The following MSI2 variants were observed in gnomAD, a reference collection of about 807,000 sequenced individuals.
MSI2 encodes the protein RNA-binding protein Musashi homolog 2.
MSI2 carries 17 observed loss-of-function variants against 45.6 expected under a neutral mutation model. The observed-to-expected ratio is 0.37, with a 90% CI of 0.26 to 0.56. The LOEUF (loss-of-function observed/expected upper bound fraction) is 0.56. MSI2 is among the 20% of genes least tolerant of loss of function. The pLI, the probability that MSI2 is intolerant of heterozygous loss-of-function variation, is 0.77. For synonymous variants in MSI2, 156 were observed against 158.2 expected (o/e 0.99, Z 0.11); for missense variants, 293 against 444.2 (o/e 0.66, Z 3.06).
intron 7 of MSI2, among the ~76,000 whole-genome samples, chr17:57,569,801 T>C (rs1424449199): frequency 6.6e-6 from 1 of 152,220 alleles, no homozygotes; most frequent in Non-Finnish European, 1.5e-5. Context: ...GTCTTTGCTC[T>C]GGGTATGTGG....
intron 11 of MSI2, among the ~76,000 whole-genome samples, chr17:57,673,721 C>G (rs1302884992): frequency 6.7e-6 from 1 of 149,444 alleles, no homozygotes; most frequent in East Asian, 1.9e-4. Flanking sequence ...ATTGGGGGGG[C>G]CGAGGCAGTG....
chr17:57,543,385 C>T lies in MSI2; in HGVS notation c.454+13661C>T, dbSNP rs576216428. On this transcript the variant is annotated intron_variant, in intron 7 of 13. Coordinates refer to ENST00000284073, the MANE Select transcript of MSI2 (RefSeq NM_138962.4). ...AAAACATCAGTCCTGCCTGTAGTTC[C>T]GCCTTGGACCCATGCTGCCTGGTTG... Among the ~76,000 whole-genome samples, 294 of 152,288 alleles carry T rather than the reference C, an allele frequency of 1.9e-3. 1 individual carries two copies. Among genetic ancestry groups the T allele is most frequent in the African/African-American group, 6.8e-3 (283 of 41,554 alleles).
chr17:57,601,642 G>C (rs2144488312), intron 8 of MSI2: 1 of 152,372 alleles, frequency 6.6e-6, no homozygotes. Flanking sequence ...GTACAGCCTA[G>C]AGCTTGAAAT....
intron 5 of MSI2, among the ~76,000 whole-genome samples, chr17:57,370,236 T>G (rs1277397833): frequency 6.6e-6 from 1 of 152,240 alleles, no homozygotes; most frequent in Non-Finnish European, 1.5e-5. Flanking sequence ...GGTCTTGTGA[T>G]TGTTGCTGCT....
At chr17:57,604,440 C>A (rs558634400) in intron 8 of MSI2, among the ~76,000 whole-genome samples, 1 of 152,116 alleles carries the variant, frequency 6.6e-6, no homozygotes, top group African/African-American at 2.4e-5. Context: ...GGGTCCCGAG[C>A]CTGCGGGGCA....
At chr17:57,427,406 A>G (rs60861061) in intron 6 of MSI2, among the ~76,000 whole-genome samples, 1 of 102,228 alleles carries the variant, frequency 9.8e-6, no homozygotes, top group South Asian at 3.4e-4. Flanking sequence ...TCCAAAAAAA[A>G]AAAATAAATA....
intron 5 of MSI2, among the ~76,000 whole-genome samples, chr17:57,319,752 A>G (rs1367660181): frequency 3.3e-5 from 5 of 152,186 alleles, no homozygotes; most frequent in African/African-American, 1.2e-4. Flanking sequence ...AGCTGGGACC[A>G]TAGGCACATG....
At chr17:57,346,752 A>T (rs1217336314) in intron 5 of MSI2, among the ~76,000 whole-genome samples, 1 of 151,948 alleles carries the variant, frequency 6.6e-6, no homozygotes, top group East Asian at 1.9e-4. Context: ...AACTACAGGC[A>T]CACGCCACCA....
chr17:57,423,142 A>C (rs1230467525), intron 6 of MSI2, among the ~76,000 whole-genome samples: 1 of 152,216 alleles, frequency 6.6e-6, no homozygotes, highest in Non-Finnish European at 1.5e-5. Flanking sequence ...GTTAAAATAG[A>C]GTGATCTTTT....
At chr17:57,278,338 G>A (rs1268613591) in intron 5 of MSI2, 1 of 152,378 alleles carries the variant, frequency 6.6e-6, no homozygotes, top group Non-Finnish European at 1.5e-5. Flanking sequence ...AGCTGATGAA[G>A]TGCTCTGCAC....
chr17:57,549,176 G>A lies in MSI2; in HGVS notation c.454+19452G>A, dbSNP rs536682415. Reference sequence around the variant, plus strand: ...AGGCGTGAGCCGCCGGGCGCCGGCCGACAGAATTGTTAATGAGTATATATT... The same window carrying A: ...AGGCGTGAGCCGCCGGGCGCCGGCCAACAGAATTGTTAATGAGTATATATT... On this transcript the variant is annotated intron_variant, in intron 7 of 13. Transcript: ENST00000284073. 7.9e-5 allele frequency among the ~76,000 whole-genome samples: 12 copies of A among 152,290 alleles called. No individual in the cohort carries two copies. In the South Asian group the frequency reaches 2.3e-3, roughly 29 times the overall value.
chr17:57,417,715 G>C (rs1016346425), intron 6 of MSI2, among the ~76,000 whole-genome samples: 1 of 152,290 alleles, frequency 6.6e-6, no homozygotes, highest in Non-Finnish European at 1.5e-5. Context: ...CCTGGGATCT[G>C]CTCATGAAGG....
intron 5 of MSI2, among the ~76,000 whole-genome samples, chr17:57,396,098 G>A (rs1249279978): frequency 6.6e-6 from 1 of 152,142 alleles, no homozygotes; most frequent in African/African-American, 2.4e-5. Flanking sequence ...TCATCATGGG[G>A]AATTTGAACT....
At position 57,596,903 on chromosome 17, in the gene MSI2, G is replaced by T; in HGVS notation, c.490G>T (p.Val164Leu). The change falls in exon 8 of 14, where the codon GTG becomes TTG. Residue 164 changes from valine to leucine, a missense_variant. By Grantham distance (32) the Val-to-Leu change is conservative. Transcript: ENST00000284073. This position sits in a 1 kb window ranked among gnomAD's most constrained non-coding sequence, Gnocchi z 4.6. ...GFVTFENEDVVEKVCEIHFHE... is the reference protein window; with the variant it reads ...GFVTFENEDVLEKVCEIHFHE... The stretch of plus-strand genomic sequence containing the variant: ...TGTCACTTTTGAGAATGAAGATGTT[G>T]TGGAGAAAGTCTGTGAGATTCATTT... 6.2e-7 allele frequency: 1 copy of T among 1,613,704 alleles called. No individual in the cohort carries two copies.
chr17:57,690,502 C>T, the MSI2 span, among the ~76,000 whole-genome samples: 1 of 151,896 alleles, frequency 6.6e-6, no homozygotes, highest in Non-Finnish European at 1.5e-5. Context: ...ACCTGTAGTC[C>T]CAGCTACTCT....
rs927789554 is a variant in MSI2, at chr17:57,329,785, G to A, written c.312+67593G>A. 3.9e-5 allele frequency among the ~76,000 whole-genome samples: 6 copies of A among 152,142 alleles called. No individual in the cohort carries two copies. In the East Asian group the frequency reaches 9.6e-4, roughly 24 times the overall value. On this transcript the variant is annotated intron_variant, in intron 5 of 13. Transcript: ENST00000284073. The stretch of plus-strand genomic sequence containing the variant: ...AATCAAATCAGAACCCCTGTTTTCC[G>A]AGTTACGTAATTTTGCAGAACGGAC...
intron 6 of MSI2, among the ~76,000 whole-genome samples, chr17:57,483,977 A>G (rs941394868): frequency 6.6e-6 from 1 of 152,232 alleles, no homozygotes; most frequent in African/African-American, 2.4e-5. Context: ...CTAGTGGAGA[A>G]TAAGTATAAA....
intron 5 of MSI2, among the ~76,000 whole-genome samples, chr17:57,290,603 G>A (rs1910321564): frequency 6.6e-6 from 1 of 152,198 alleles, no homozygotes; most frequent in Non-Finnish European, 1.5e-5. Flanking sequence ...GTGAACTACT[G>A]TCCCTGGCCT....
intron 5 of MSI2, among the ~76,000 whole-genome samples, chr17:57,329,784 C>T (rs562147985): frequency 4.6e-5 from 7 of 152,278 alleles, no homozygotes; most frequent in South Asian, 2.1e-4. Context: ...CCCTGTTTTC[C>T]GAGTTACGTA....
Sources: gnomAD v4.1 joint callset for allele counts (sites outside exome capture counted in the v4.1 genomes callset) on GRCh38, gnomAD v4.1.1 for gene constraint, Gnocchi (gnomAD v3.1) non-coding constraint, MANE v1.5 for transcripts, NCBI Gene and HGNC (gene_info 2026-07-23, HGNC 2026-07-21) for gene names.